BBS9: variants seen among roughly 807,000 people sequenced by gnomAD.
The protein encoded by BBS9 is protein PTHB1.
In BBS9, 89 loss-of-function variants were observed where a neutral mutation model predicts 117.7. The ratio of observed to expected loss-of-function variants is 0.76; its 90% CI spans 0.64 to 0.90. The LOEUF is 0.90. Among genes scored for constraint, BBS9 ranks in the 40% least tolerant of loss-of-function variants. BBS9 has a pLI of 0.00. For synonymous variants in BBS9, 379 were observed against 370.9 expected, an observed-to-expected ratio of 1.02 and a Z score of -0.25; for missense variants, 982 against 1,042.2, an observed-to-expected ratio of 0.94 and a Z score of 0.80.
intron 20 of BBS9, among the ~76,000 whole-genome samples, chr7:33,519,974 T>G (rs1487830150): frequency 1.3e-5 from 2 of 152,110 alleles, no homozygotes; most frequent in East Asian, 3.9e-4. Context: ...TGAAATAATA[T>G]TTGTAAGATT....
rs559002566 is a variant in BBS9, at chr7:33,576,074, A to G, written c.2522-28791A>G. Among the ~76,000 whole-genome samples the G allele has an allele frequency of 4.1e-3, 629 of 152,264 alleles. 6 individuals carry two copies. Among genetic ancestry groups the G allele is most frequent in the African/African-American group, 0.014 (591 of 41,556 alleles). On this transcript the variant is annotated intron_variant, in intron 21 of 22. Coordinates refer to ENST00000242067, the MANE Select transcript of BBS9 (RefSeq NM_198428.3). ...TGGCCAGGGCAACCAGACAAGAGAA[A>G]GAAATAAAGGGTATTCAATTAGGAA... is the stretch of plus-strand genomic sequence containing the variant.
At chr7:33,510,172 A>C (rs1846729046) in intron 20 of BBS9, among the ~76,000 whole-genome samples, 1 of 152,138 alleles carries the variant, frequency 6.6e-6, no homozygotes, top group South Asian at 2.1e-4. Flanking sequence ...GTGTCACCCA[A>C]AATAATGTTC....
intron 21 of BBS9, among the ~76,000 whole-genome samples, chr7:33,560,757 C>T (rs961289873): frequency 4.6e-5 from 7 of 152,182 alleles, no homozygotes; most frequent in Non-Finnish European, 1.0e-4. Context: ...TTAAGCATCT[C>T]TAGGGATAGG....
At chr7:33,359,926 T>C (rs1366391824) in intron 16 of BBS9, among the ~76,000 whole-genome samples, 1 of 152,156 alleles carries the variant, frequency 6.6e-6, no homozygotes, top group Non-Finnish European at 1.5e-5. Context: ...CTAGTAATTC[T>C]ACTATCCAGC....
At chr7:33,279,807 C>G (rs1224107203) in intron 9 of BBS9, among the ~76,000 whole-genome samples, 4 of 152,120 alleles carry the variant, frequency 2.6e-5, no homozygotes, top group African/African-American at 9.7e-5. Flanking sequence ...AATCAATACA[C>G]AGGTTACAGA....
intron 21 of BBS9, among the ~76,000 whole-genome samples, chr7:33,536,436 C>T (rs1284097718): frequency 1.3e-5 from 2 of 152,146 alleles, no homozygotes; most frequent in African/African-American, 4.8e-5. Context: ...CATGCTTTAT[C>T]TCTGTATTGG....
intron 21 of BBS9, among the ~76,000 whole-genome samples, chr7:33,625,937 A>G (rs1027981206): frequency 6.6e-6 from 1 of 152,206 alleles, no homozygotes; most frequent in Non-Finnish European, 1.5e-5. Context: ...AATTACTAGG[A>G]TGGTGGGTAG....
intron 21 of BBS9, among the ~76,000 whole-genome samples, chr7:33,619,183 CAA>C (rs1562536438): frequency 2.6e-5 from 4 of 152,034 alleles, no homozygotes; most frequent in African/African-American, 9.6e-5. Context: ...AAACTGTAGA[CAA>C]AAGAGAGCAG....
intron 20 of BBS9, among the ~76,000 whole-genome samples, chr7:33,527,014 G>A (rs1183438903): frequency 1.3e-5 from 2 of 151,188 alleles, no homozygotes; most frequent in East Asian, 2.0e-4. Flanking sequence ...GCCGTGTGAG[G>A]TGTCAGTGTG....
chr7:33,497,083 C>G (rs113987934), intron 19 of BBS9, among the ~76,000 whole-genome samples: 1 of 152,152 alleles, frequency 6.6e-6, no homozygotes, highest in Non-Finnish European at 1.5e-5. Context: ...TGAGAGTGCG[C>G]CTTTCCAACC....
At chr7:33,336,400 G>T in intron 9 of BBS9, 41 bp from the exon 10 acceptor site, 1 of 1,556,168 alleles carries the variant, frequency 6.4e-7, no homozygotes, top group South Asian at 1.1e-5. Context: ...TAACTCTACT[G>T]AAATTTAAAA....
At chr7:33,554,900 GA>G (rs914098635) in intron 21 of BBS9, among the ~76,000 whole-genome samples, 10 of 152,146 alleles carry the variant, frequency 6.6e-5, no homozygotes, top group Non-Finnish European at 1.2e-4. Flanking sequence ...AGCAGCCAAG[GA>G]ATGAGAAAGA....
chr7:33,286,792 A>G (rs1291815443), intron 9 of BBS9, among the ~76,000 whole-genome samples: 8 of 152,122 alleles, frequency 5.3e-5, no homozygotes, highest in Non-Finnish European at 1.2e-4. Context: ...TAACTGGTGT[A>G]TGGCCTGTTT....
chr7:33,458,067 G>A (rs919495742), intron 19 of BBS9, among the ~76,000 whole-genome samples: 1 of 152,128 alleles, frequency 6.6e-6, no homozygotes, highest in Non-Finnish European at 1.5e-5. Context: ...GAGTCCTCAG[G>A]TGTGCTTTTA....
chr7:33,317,249 G>C (rs1810705071), intron 9 of BBS9, among the ~76,000 whole-genome samples: 2 of 152,002 alleles, frequency 1.3e-5, no homozygotes, highest in Admixed American at 1.3e-4. Flanking sequence ...CTTGATTACT[G>C]TATGTAGATT....
At chr7:33,596,835 A>AT (rs1434421141) in intron 21 of BBS9, among the ~76,000 whole-genome samples, 1 of 152,002 alleles carries the variant, frequency 6.6e-6, no homozygotes, top group Non-Finnish European at 1.5e-5. Flanking sequence ...TCTCCTGCCC[A>AT]TCCCCCTTCC....
At chr7:33,382,363 G>A (rs35940003) in intron 17 of BBS9, among the ~76,000 whole-genome samples, 23,554 of 151,484 alleles carry the variant, frequency 0.16, 2,280 homozygotes, top group South Asian at 0.21. Flanking sequence ...GGGAGGCTGA[G>A]GCATGAGAAT....
At chr7:33,267,428 T>C (rs1396619358) in intron 7 of BBS9, among the ~76,000 whole-genome samples, 3 of 151,036 alleles carry the variant, frequency 2.0e-5, no homozygotes, top group African/African-American at 7.3e-5. Context: ...GTTTTTTTGG[T>C]TTCCTTTTCC....
intron 21 of BBS9, among the ~76,000 whole-genome samples, chr7:33,576,034 TAGTGTTGGA>T: frequency 6.6e-6 from 1 of 152,272 alleles, no homozygotes; most frequent in African/African-American, 2.4e-5. Flanking sequence ...CTATTCAATG[TAGTGTTGGA>T]AGTTCTGGCC....
Sources: gnomAD v4.1 joint callset for allele counts (sites outside exome capture counted in the v4.1 genomes callset) on GRCh38, gnomAD v4.1.1 for gene constraint, MANE v1.5 for transcripts, NCBI Gene and HGNC (gene_info 2026-07-23, HGNC 2026-07-21) for gene names.